ALCAM: variants seen among roughly 807,000 people sequenced by gnomAD.
ALCAM encodes CD166 antigen.
A neutral mutation model predicts 70.9 loss-of-function variants in ALCAM; 30 were observed. The observed-to-expected ratio is 0.42, with a 90% CI of 0.32 to 0.57. The LOEUF (loss-of-function observed/expected upper bound fraction) is 0.57, where lower values mean the gene tolerates loss of function less well. ALCAM is among the 20% of genes least tolerant of loss of function. ALCAM has a pLI of 0.11. For synonymous variants in ALCAM, 249 were observed against 242.5 expected (o/e 1.03, Z -0.25); for missense variants, 591 against 695.1 (o/e 0.85, Z 1.68).
intron 1 of ALCAM, among the ~76,000 whole-genome samples, chr3:105,400,765 T>C (rs1424824833): frequency 6.6e-6 from 1 of 152,110 alleles, no homozygotes; most frequent in South Asian, 2.1e-4. Context: ...GAGAAACTAA[T>C]CTATTGTTCA....
intron 1 of ALCAM, among the ~76,000 whole-genome samples, chr3:105,518,725 C>T (rs1939448715): frequency 6.6e-6 from 1 of 151,966 alleles, no homozygotes; most frequent in African/African-American, 2.4e-5. Context: ...AAGTAAACCT[C>T]ATGTCTCAAG....
chr3:105,492,269 T>G (rs984594673), intron 1 of ALCAM, among the ~76,000 whole-genome samples: 1 of 152,048 alleles, frequency 6.6e-6, no homozygotes, highest in African/African-American at 2.4e-5. Flanking sequence ...TCCCACCGGG[T>G]CCCTCCCATA....
chr3:105,428,790 T>C (rs1936858072), intron 1 of ALCAM, among the ~76,000 whole-genome samples: 1 of 151,856 alleles, frequency 6.6e-6, no homozygotes, highest in African/African-American at 2.4e-5. Flanking sequence ...AACTGAAAAA[T>C]GTGGTTGTGA....
chr3:105,384,587 C>T (rs920151860), intron 1 of ALCAM, among the ~76,000 whole-genome samples: 3 of 151,422 alleles, frequency 2.0e-5, no homozygotes, highest in African/African-American at 7.3e-5. Context: ...CTTCTGAATT[C>T]TTGCCCAGAA....
chr3:105,484,605 G>A (rs958614206), intron 1 of ALCAM, among the ~76,000 whole-genome samples: 2 of 152,016 alleles, frequency 1.3e-5, no homozygotes, highest in Non-Finnish European at 2.9e-5. Flanking sequence ...AGTCAATGTG[G>A]ATGACTTTTG....
At chr3:105,441,645 AG>A (rs1431613943) in intron 1 of ALCAM, among the ~76,000 whole-genome samples, 1 of 152,238 alleles carries the variant, frequency 6.6e-6, no homozygotes, top group African/African-American at 2.4e-5. Context: ...TAAGTGAAAT[AG>A]TATTCCATAC....
At chr3:105,562,452 T>C (rs1192039296) in intron 14 of ALCAM, among the ~76,000 whole-genome samples, 1 of 152,250 alleles carries the variant, frequency 6.6e-6, no homozygotes, top group Non-Finnish European at 1.5e-5. Flanking sequence ...GATTGTTGAA[T>C]GGTAAGCCAG....
At chr3:105,534,898 A>T in intron 6 of ALCAM, 53 bp downstream of exon 6, 4 of 1,475,312 alleles carry the variant, frequency 2.7e-6, no homozygotes, top group Non-Finnish European at 3.6e-6. Context: ...AATAATATTC[A>T]AATGCTATTA....
At chr3:105,567,408 C>T (rs1940767875) in intron 14 of ALCAM, among the ~76,000 whole-genome samples, 1 of 152,042 alleles carries the variant, frequency 6.6e-6, no homozygotes. Context: ...ACTATCATCT[C>T]ACAGGCCACT....
chr3:105,484,440 C>A (rs1357090491), intron 1 of ALCAM, among the ~76,000 whole-genome samples: 1 of 151,894 alleles, frequency 6.6e-6, no homozygotes, highest in Non-Finnish European at 1.5e-5. Context: ...ATGTTTAAAT[C>A]TCAATAATTT....
At position 105,537,249 on chromosome 3, in the gene ALCAM, C is replaced by T. The variant is rs572380167; in HGVS notation, c.730+2404C>T. 5.3e-5 allele frequency among the ~76,000 whole-genome samples: 8 copies of T among 152,228 alleles called. No individual in the cohort carries two copies. The South Asian group carries it at 1.5e-3, about 28-fold the overall frequency. ...CCTTCTGACACTGCCTACGTTTATG[C>T]CACCATTCCTCATTGCCTCTATTCC... On this transcript the variant is annotated intron_variant, in intron 6 of 15. Coordinates refer to ENST00000306107, the MANE Select transcript of ALCAM (RefSeq NM_001627.4).
intron 1 of ALCAM, among the ~76,000 whole-genome samples, chr3:105,399,566 TTTC>T (rs1293298403): frequency 6.6e-6 from 1 of 152,158 alleles, no homozygotes; most frequent in African/African-American, 2.4e-5. Flanking sequence ...ATTCTTTTAA[TTTC>T]TTATCAGATT....
chr3:105,524,252 T>G (rs375591933), intron 2 of ALCAM, 37 bp from the exon 3 acceptor site: 2 of 1,505,322 alleles, frequency 1.3e-6, no homozygotes, highest in Non-Finnish European at 1.8e-6. Context: ...CATCTGAATA[T>G]GCTTGTGTTT....
intron 1 of ALCAM, among the ~76,000 whole-genome samples, chr3:105,462,918 C>T (rs1169884772): frequency 6.6e-6 from 1 of 151,318 alleles, no homozygotes; most frequent in Non-Finnish European, 1.5e-5. Flanking sequence ...CCAAGACATA[C>T]GGAATATTAG....
intron 14 of ALCAM, 25 bp downstream of exon 14, chr3:105,552,610 A>G (rs969716781): frequency 6.2e-7 from 1 of 1,610,420 alleles, no homozygotes; most frequent in Admixed American, 1.7e-5. Flanking sequence ...AAAGATCTTC[A>G]TCGTTCATTG....
intron 14 of ALCAM, among the ~76,000 whole-genome samples, chr3:105,568,661 CCTTT>C (rs1273812111): frequency 6.6e-6 from 1 of 152,194 alleles, no homozygotes; most frequent in East Asian, 1.9e-4. Context: ...GTGGCTGTCT[CCTTT>C]CTAAGATTTT....
intron 1 of ALCAM, among the ~76,000 whole-genome samples, chr3:105,449,180 T>C (rs1937365349): frequency 6.6e-6 from 1 of 152,228 alleles, no homozygotes; most frequent in Non-Finnish European, 1.5e-5. Context: ...TATGTTCTTA[T>C]TAAACTCTGG....
At chr3:105,566,894 T>TA (rs1370676021) in intron 14 of ALCAM, among the ~76,000 whole-genome samples, 2 of 152,188 alleles carry the variant, frequency 1.3e-5, no homozygotes, top group African/African-American at 4.8e-5. Context: ...CATCTGGTGT[T>TA]ACTTCCCTTC....
chr3:105,368,223 A>AAGAGGGAGAGAGAGAGAGAGAG (rs1935122581), intron 1 of ALCAM, among the ~76,000 whole-genome samples: 1 of 67,790 alleles, frequency 1.5e-5, no homozygotes, highest in Non-Finnish European at 2.8e-5. Context: ...TGAGTCTTGG[A>AAGAGGGAGAGAGAGAGAGAGAG]AGAGAGAGAG....
Sources: gnomAD v4.1 joint callset for allele counts (sites outside exome capture counted in the v4.1 genomes callset) on GRCh38, gnomAD v4.1.1 for gene constraint, MANE v1.5 for transcripts, NCBI Gene and HGNC (gene_info 2026-07-23, HGNC 2026-07-21) for gene names.